SLCO1A2: variants seen among roughly 807,000 people sequenced by gnomAD.
The protein encoded by SLCO1A2 is solute carrier organic anion transporter family member 1A2, also known as OATP-1.
In SLCO1A2, 67 loss-of-function variants were observed where a neutral mutation model predicts 69.0. The ratio of observed to expected loss-of-function variants is 0.97; its 90% CI spans 0.80 to 1.19. The LOEUF is 1.19. SLCO1A2 is among the 50% of genes most tolerant of loss of function. The probability of loss-of-function intolerance (pLI) is 0.00; values close to 1 mark genes in which losing one functional copy is unlikely to be tolerated. For missense variants in SLCO1A2, 787 were observed against 793.7 expected (o/e 0.99, Z 0.10); for synonymous variants, 260 against 265.9 (o/e 0.98, Z 0.22).
At chr12:21,283,415 C>A (rs1945169990) in intron 12 of SLCO1A2, among the ~76,000 whole-genome samples, 2 of 152,030 alleles carry the variant, frequency 1.3e-5, no homozygotes, top group Admixed American at 6.6e-5. Flanking sequence ...ATTCAAAAAT[C>A]AATCAAAATC....
At chr12:21,373,053 C>T in intron 2 of SLCO1A2, 2 of 354,904 alleles carry the variant, frequency 5.6e-6, no homozygotes, top group South Asian at 3.8e-5. Context: ...TAGAGAAATG[C>T]ACACTTGGTG....
chr12:21,390,830 C>T (rs1941115368), intron 1 of SLCO1A2, among the ~76,000 whole-genome samples: 1 of 152,246 alleles, frequency 6.6e-6, no homozygotes, highest in South Asian at 2.1e-4. Context: ...TGTAAAGTCC[C>T]TCTTAGAGAG....
At chr12:21,292,361 T>A in intron 11 of SLCO1A2, 25 bp from the exon 12 acceptor site, 1 of 1,576,788 alleles carries the variant, frequency 6.3e-7, no homozygotes, top group Non-Finnish European at 8.6e-7. Flanking sequence ...CATATTATAC[T>A]AAGAAGTAAA....
intron 2 of SLCO1A2, among the ~76,000 whole-genome samples, chr12:21,332,890 A>G (rs1224333164): frequency 6.6e-6 from 1 of 152,144 alleles, no homozygotes; most frequent in Admixed American, 6.6e-5. Context: ...CACACAATAC[A>G]TCTAAGCCAA....
intron 1 of SLCO1A2, among the ~76,000 whole-genome samples, chr12:21,404,872 A>G (rs1421181464): frequency 6.6e-6 from 1 of 152,084 alleles, no homozygotes; most frequent in Non-Finnish European, 1.5e-5. Context: ...AAGCATTCCT[A>G]TTTGTCCACA....
intron 1 of SLCO1A2, among the ~76,000 whole-genome samples, chr12:21,416,522 C>T (rs117773086): frequency 2.0e-5 from 3 of 151,884 alleles, no homozygotes; most frequent in Non-Finnish European, 2.9e-5. Flanking sequence ...AACTTGAGAA[C>T]CGAGCTAGCT....
intron 2 of SLCO1A2, among the ~76,000 whole-genome samples, chr12:21,328,087 G>C (rs1353937613): frequency 6.6e-6 from 1 of 152,130 alleles, no homozygotes; most frequent in African/African-American, 2.4e-5. Context: ...CAGTTCCCCT[G>C]CACATGCTCT....
chr12:21,353,825 C>A (rs968252297), intron 2 of SLCO1A2, among the ~76,000 whole-genome samples: 1 of 152,166 alleles, frequency 6.6e-6, no homozygotes, highest in Non-Finnish European at 1.5e-5. Context: ...CAGCTATTTG[C>A]CAGTGAAAAT....
At chr12:21,378,420 C>A in intron 1 of SLCO1A2, 2 of 1,611,634 alleles carry the variant, frequency 1.2e-6, no homozygotes, top group South Asian at 1.1e-5. Context: ...ATTACTTGCC[C>A]CTTTAGAGGA....
intron 1 of SLCO1A2, among the ~76,000 whole-genome samples, chr12:21,416,307 T>C (rs1173262400): frequency 1.3e-5 from 2 of 150,552 alleles, no homozygotes; most frequent in East Asian, 3.9e-4. Flanking sequence ...CAGTCACAAT[T>C]AAATCAGGAA....
At chr12:21,315,785 G>A (rs1334438531) in intron 3 of SLCO1A2, among the ~76,000 whole-genome samples, 1 of 152,112 alleles carries the variant, frequency 6.6e-6, no homozygotes, top group Non-Finnish European at 1.5e-5. Context: ...GTCTCCAGAG[G>A]CCATTGTTTG....
chr12:21,303,243 C>G (rs1033275224), intron 6 of SLCO1A2, among the ~76,000 whole-genome samples: 7 of 152,102 alleles, frequency 4.6e-5, no homozygotes, highest in Non-Finnish European at 7.3e-5. Flanking sequence ...GAGATTATCA[C>G]AGCTACATTT....
chr12:21,397,550 C>G (rs1221156598), upstream of SLCO1A2, among the ~76,000 whole-genome samples: 1 of 152,134 alleles, frequency 6.6e-6, no homozygotes, highest in Non-Finnish European at 1.5e-5. Flanking sequence ...AACCCTCCAC[C>G]CCAAATCAAC....
At chr12:21,293,501 A>G (rs1194127288) in intron 11 of SLCO1A2, among the ~76,000 whole-genome samples, 3 of 151,904 alleles carry the variant, frequency 2.0e-5, no homozygotes, top group Non-Finnish European at 4.4e-5. Context: ...TCCTAATTCT[A>G]AATTCTCAAA....
intron 4 of SLCO1A2, among the ~76,000 whole-genome samples, chr12:21,310,420 T>C (rs1419264540): frequency 6.6e-6 from 1 of 152,246 alleles, no homozygotes; most frequent in Non-Finnish European, 1.5e-5. Context: ...CAGCGAGTCA[T>C]CATCTTCTGC....
intron 2 of SLCO1A2, among the ~76,000 whole-genome samples, chr12:21,359,411 A>AT (rs1425352071): frequency 6.6e-6 from 1 of 152,158 alleles, no homozygotes; most frequent in Non-Finnish European, 1.5e-5. Flanking sequence ...GAAAAAAAAA[A>AT]CACAAACCTG....
intron 4 of SLCO1A2, among the ~76,000 whole-genome samples, chr12:21,314,345 G>C: frequency 6.6e-6 from 1 of 152,118 alleles, no homozygotes; most frequent in East Asian, 1.9e-4. Context: ...AATCCCCATT[G>C]TGTAAATTGA....
chr12:21,405,298 C>T (rs191679457), intron 1 of SLCO1A2, among the ~76,000 whole-genome samples: 19 of 152,190 alleles, frequency 1.2e-4, no homozygotes, highest in African/African-American at 4.3e-4. Flanking sequence ...GAAATCTTTA[C>T]CCTTGCCTAT....
intron 2 of SLCO1A2, chr12:21,373,195 G>A (rs986379916): frequency 3.0e-6 from 2 of 660,852 alleles, no homozygotes; most frequent in Non-Finnish European, 5.4e-6. Context: ...CAATATTAAG[G>A]GACTGTATCA....
Sources: allele counts gnomAD v4.1 joint callset (sites outside exome capture counted in the v4.1 genomes callset), GRCh38; gene constraint gnomAD v4.1.1; transcripts MANE v1.5; gene names NCBI Gene and HGNC (gene_info 2026-07-23, HGNC 2026-07-21).